ESR2: variants seen among roughly 807,000 people sequenced by gnomAD.
ESR2 encodes estrogen receptor beta.
ESR2 carries 36 observed loss-of-function variants against 49.6 expected under a neutral mutation model. The ratio of observed to expected loss-of-function variants is 0.73; its 90% CI spans 0.56 to 0.96. ESR2 has a LOEUF of 0.96. Among genes scored for constraint, ESR2 ranks in the 40% least tolerant of loss-of-function variants. The pLI is 0.00. For synonymous variants in ESR2, 320 were observed against 266.1 expected (o/e 1.20, Z -1.97); for missense variants, 714 against 693.0 (o/e 1.03, Z -0.34).
At chr14:64,253,602 GTGTATGTA>G (rs1555574451) in intron 6 of ESR2, among the ~76,000 whole-genome samples, 1 of 122,102 alleles carries the variant, frequency 8.2e-6, no homozygotes, top group African/African-American at 3.0e-5. Context: ...GTGTGTGTGT[GTGTATGTA>G]TGTGTGTGTA....
chr14:64,302,160 TTTTATTTATTTATTTA>T (rs80326062), intron 1 of ESR2, among the ~76,000 whole-genome samples: 15 of 138,206 alleles, frequency 1.1e-4, no homozygotes, highest in South Asian at 9.2e-4. Context: ...TATTTTTTAT[TTTTATTTATTTATTTA>T]TTTATTTATT....
At chr14:64,253,573 T>G (rs1463703171) in intron 6 of ESR2, among the ~76,000 whole-genome samples, 3 of 128,672 alleles carry the variant, frequency 2.3e-5, no homozygotes, top group Non-Finnish European at 4.8e-5. Flanking sequence ...TGTGTGTGTG[T>G]GTGTGTGTGT....
At chr14:64,252,300 G>A (rs34569310) in intron 6 of ESR2, among the ~76,000 whole-genome samples, 91,216 of 150,350 alleles carry the variant, frequency 0.61, 29,738 homozygotes, top group African/African-American at 0.86. Context: ...CCACAGAGCG[G>A]GACCGTCTCT....
chr14:64,261,709 G>A (rs992611651), intron 4 of ESR2, among the ~76,000 whole-genome samples: 5 of 152,096 alleles, frequency 3.3e-5, no homozygotes, highest in African/African-American at 1.2e-4. Context: ...GTGAGCCACT[G>A]CACCCAGCCT....
intron 6 of ESR2, among the ~76,000 whole-genome samples, chr14:64,250,028 A>G (rs113298168): frequency 3.9e-5 from 6 of 152,326 alleles, no homozygotes; most frequent in South Asian, 2.1e-4. Context: ...TCAAAACCAT[A>G]TCAGTCAACC....
At chr14:64,259,703 C>G (rs1334879033) in intron 5 of ESR2, among the ~76,000 whole-genome samples, 1 of 152,144 alleles carries the variant, frequency 6.6e-6, no homozygotes, top group African/African-American at 2.4e-5. Context: ...TGATGGCATT[C>G]CAGGTTTATG....
At chr14:64,238,710 A>G (rs914592214) in intron 7 of ESR2, among the ~76,000 whole-genome samples, 11 of 152,138 alleles carry the variant, frequency 7.2e-5, no homozygotes, top group African/African-American at 2.2e-4. Flanking sequence ...GATTCACTGT[A>G]AAACAAAATT....
chr14:64,282,472 G>T, intron 2 of ESR2, 152 bp downstream of exon 2: 2 of 760,450 alleles, frequency 2.6e-6, no homozygotes, highest in Non-Finnish European at 4.2e-6. Flanking sequence ...TATCAGAATA[G>T]AACAGGGCAT....
chr14:64,333,159 G>C (rs1391922047), intron 1 of ESR2, among the ~76,000 whole-genome samples: 1 of 152,014 alleles, frequency 6.6e-6, no homozygotes, highest in Admixed American at 6.6e-5. Context: ...TGTTATACCA[G>C]GCAATAAGTG....
chr14:64,269,445 A>G (rs978720613), intron 3 of ESR2, among the ~76,000 whole-genome samples: 24 of 152,238 alleles, frequency 1.6e-4, no homozygotes, highest in African/African-American at 5.3e-4. Flanking sequence ...TCAATTCTTC[A>G]TTCTCTCCCT....
intron 4 of ESR2, among the ~76,000 whole-genome samples, chr14:64,261,221 CTTTTA>C (rs2076214007): frequency 8.4e-6 from 1 of 118,718 alleles, no homozygotes; most frequent in South Asian, 2.6e-4. Context: ...CTTTTTAATG[CTTTTA>C]TTTTTCTTTT....
rs1207650237 is a variant in ESR2, at chr14:64,294,195, C to G, written c.-253G>C. ...GGGCGCCAGCCCTGCCCCGCAGCCCCAGAGCCCGTCGCAGCTCGGGTGGTC... is the reference window on the plus strand; with the variant it reads ...GGGCGCCAGCCCTGCCCCGCAGCCCGAGAGCCCGTCGCAGCTCGGGTGGTC... On this transcript the variant is annotated 5_prime_UTR_variant, in exon 1 of 9. Coordinates refer to ENST00000341099, the MANE Select transcript of ESR2 (RefSeq NM_001437.3). 2.6e-5 allele frequency: 4 copies of G among 152,306 alleles called. No individual in the cohort carries two copies. Among genetic ancestry groups the G allele is most frequent in the Admixed American group, 2.6e-4 (4 of 15,290 alleles). 9.4% of individuals were successfully genotyped at this position (152,306 alleles called of 1,614,324 possible). A position where few individuals can be genotyped will look rare whatever the true frequency, so the allele number is the denominator to read the frequency against.
chr14:64,332,852 A>G (rs951598200), intron 1 of ESR2, among the ~76,000 whole-genome samples: 5 of 147,880 alleles, frequency 3.4e-5, no homozygotes, highest in Admixed American at 2.7e-4. Context: ...CTCTACACAC[A>G]TTGACCAGAT....
At position 64,232,872 on chromosome 14, in the gene ESR2, A is replaced by T. The variant is rs903085905; in HGVS notation, c.*265T>A. ...AGGGGAGGAAGGAAGAAGGAAAGTA[A>T]GAAAGACCACACTGAGATCCTATGA... On this transcript the variant is annotated 3_prime_UTR_variant, in exon 9 of 9. Coordinates refer to ENST00000341099, the MANE Select transcript of ESR2 (RefSeq NM_001437.3). 2.2e-6 allele frequency: 1 copy of T among 459,450 alleles called. No homozygotes were observed. The highest frequency in any genetic ancestry group is 3.5e-6 in the Non-Finnish European group (1 of 282,832). 28.5% of individuals were successfully genotyped at this position (459,450 alleles called of 1,614,324 possible).
chr14:64,252,890 C>T (rs887344393), intron 6 of ESR2, among the ~76,000 whole-genome samples: 1 of 152,238 alleles, frequency 6.6e-6, no homozygotes, highest in East Asian at 1.9e-4. Flanking sequence ...GGGTCTCACC[C>T]CGATGCCCAG....
intron 1 of ESR2, among the ~76,000 whole-genome samples, chr14:64,311,355 A>G (rs1277909510): frequency 6.6e-6 from 1 of 152,118 alleles, no homozygotes; most frequent in Non-Finnish European, 1.5e-5. Flanking sequence ...AAAGCCTACA[A>G]CACACTGGGG....
intron 4 of ESR2, 56 bp from the exon 5 acceptor site, chr14:64,260,804 A>C: frequency 7.2e-7 from 1 of 1,394,848 alleles, no homozygotes; most frequent in Non-Finnish European, 9.4e-7. Context: ...AGTCAAGCAA[A>C]AGCAGCTTGA....
At chr14:64,245,141 G>A (rs1165867465) in intron 7 of ESR2, among the ~76,000 whole-genome samples, 5 of 152,108 alleles carry the variant, frequency 3.3e-5, no homozygotes, top group South Asian at 2.1e-4. Flanking sequence ...ACTTAACCTA[G>A]CAGTGAAAAT....
chr14:64,227,425 C>T, downstream of ESR2: 1 of 1,290,106 alleles, frequency 7.8e-7, no homozygotes. Context: ...AGTATTTTAA[C>T]TCTTTCTTTA....
Sources: allele counts gnomAD v4.1 joint callset (sites outside exome capture counted in the v4.1 genomes callset), GRCh38; gene constraint gnomAD v4.1.1; transcripts MANE v1.5; gene names NCBI Gene and HGNC (gene_info 2026-07-23, HGNC 2026-07-21).